CCDC150: variants seen among roughly 807,000 people sequenced by gnomAD.
CCDC150 encodes coiled-coil domain containing 150.
In CCDC150, 151 loss-of-function variants were observed where a neutral mutation model predicts 156.5. That is an observed-to-expected ratio of 0.97 (90% CI 0.85 to 1.10). The LOEUF (loss-of-function observed/expected upper bound fraction) is 1.10, where lower values mean the gene tolerates loss of function less well. CCDC150 is among the 50% of genes least tolerant of loss of function. The pLI is 0.00. For synonymous variants in CCDC150, 452 were observed against 429.4 expected (o/e 1.05, Z -0.65); for missense variants, 1,312 against 1,268.1 (o/e 1.03, Z -0.53).
At chr2:196,665,268 C>T (rs1393171529) in intron 5 of CCDC150, among the ~76,000 whole-genome samples, 1 of 152,134 alleles carries the variant, frequency 6.6e-6, no homozygotes, top group East Asian at 1.9e-4. Flanking sequence ...TTTCTTTCTA[C>T]TCTTTTATTT....
chr2:196,719,904 C>T (rs1485418479), intron 19 of CCDC150: 3 of 341,110 alleles, frequency 8.8e-6, no homozygotes, highest in Admixed American at 8.9e-5. Context: ...GACTATATAT[C>T]CTAGAAATTC....
rs1695717804 is a variant in CCDC150, at chr2:196,694,830, C to T, written c.1510-216C>T. 2.6e-5 allele frequency among the ~76,000 whole-genome samples: 4 copies of T among 152,188 alleles called. No homozygotes were observed. The South Asian group carries it at 6.2e-4, about 24-fold the overall frequency. ...TGAGCCAAGATCACACAACTGCACT[C>T]CAGCCTGGGTGACAGAGTGAGACTA... On this transcript the variant is annotated intron_variant, in intron 13 of 27. Transcript: ENST00000389175.
At chr2:196,730,709 C>T in intron 25 of CCDC150, 150 bp from the exon 26 acceptor site, 1 of 615,794 alleles carries the variant, frequency 1.6e-6, no homozygotes, top group East Asian at 2.8e-5. Flanking sequence ...CTGAAAATAA[C>T]AGTTTTTATC....
At chr2:196,710,958 T>C (rs960261554) in intron 15 of CCDC150, among the ~76,000 whole-genome samples, 3 of 152,090 alleles carry the variant, frequency 2.0e-5, no homozygotes, top group African/African-American at 7.2e-5. Flanking sequence ...TTTAAACATA[T>C]GTCAGTTTGA....
chr2:196,690,447 A>G (rs1024640014), intron 13 of CCDC150, among the ~76,000 whole-genome samples: 26 of 152,154 alleles, frequency 1.7e-4, no homozygotes, highest in Non-Finnish European at 2.1e-4. Context: ...TTAATATGTA[A>G]ATTCATATAT....
At chr2:196,711,497 T>C (rs554515205) in intron 15 of CCDC150, among the ~76,000 whole-genome samples, 87 of 152,272 alleles carry the variant, frequency 5.7e-4, no homozygotes, top group African/African-American at 2.0e-3. Context: ...GGTTTGGGGA[T>C]AAGAGGAAGC....
chr2:196,698,856 A>G (rs192354483), intron 14 of CCDC150, among the ~76,000 whole-genome samples: 148 of 152,262 alleles, frequency 9.7e-4, no homozygotes, highest in Non-Finnish European at 1.7e-3. Context: ...CCACCCGGCA[A>G]CAGGCCCCAG....
In CCDC150 at chr2:196,656,758, T is replaced by G. The variant is rs374773530; in HGVS notation, c.302T>G (p.Val101Gly). Reference protein sequence around the residue: ...DILWKNCEFLVNRMCRLESLM... With the variant: ...DILWKNCEFLGNRMCRLESLM... ...TTATGGAAGAACTGTGAGTTTCTGG[T>G]AAATCGAATGTGCCGTCTTGAAAGC... Residue 101 changes from valine to glycine, a missense_variant, in exon 3 of 28, where the codon GTA (valine) becomes GGA (glycine). By Grantham distance (109) the Val-to-Gly change is moderately radical. Transcript: ENST00000389175. 1 of 1,613,774 alleles carries G rather than the reference T, an allele frequency of 6.2e-7. No individual in the cohort carries two copies. Among genetic ancestry groups the G allele is most frequent in the African/African-American group, 1.3e-5 (1 of 74,928 alleles).
At chr2:196,697,890 A>G (rs1559252652) in intron 14 of CCDC150, among the ~76,000 whole-genome samples, 1 of 152,178 alleles carries the variant, frequency 6.6e-6, no homozygotes, top group Non-Finnish European at 1.5e-5. Flanking sequence ...ATCTTAAGAT[A>G]ATTCTTCCTA....
chr2:196,713,982 C>A (rs147059306), intron 17 of CCDC150, among the ~76,000 whole-genome samples: 121 of 152,200 alleles, frequency 8.0e-4, no homozygotes, highest in African/African-American at 2.8e-3. Context: ...GATAAAGCCT[C>A]ATTTTCAAAT....
intron 5 of CCDC150, among the ~76,000 whole-genome samples, chr2:196,660,919 T>C (rs1693522270): frequency 6.6e-6 from 1 of 152,200 alleles, no homozygotes; most frequent in African/African-American, 2.4e-5. Flanking sequence ...AGAGATTTTA[T>C]AGGTTTTCAT....
Position 196,729,715 on chromosome 2 carries a change from C to T in CCDC150, c.2752-78C>T, listed in dbSNP as rs1698422231. 5.2e-6 allele frequency: 5 copies of T among 960,088 alleles called. No individual in the cohort carries two copies. The East Asian group carries it at 1.3e-4, about 25-fold the overall frequency. The allele number at this position is 960,088 out of a possible 1,614,324, so 59.5% of individuals were successfully genotyped here. ...CTTTGGGTCTCATATTGGATTCTTT[C>T]TGTCATCCTATAGGCAAAAAGAGCA... On this transcript the variant is annotated intron_variant, in intron 23 of 27. Coordinates refer to ENST00000389175, the MANE Select transcript of CCDC150 (RefSeq NM_001080539.2).
intron 14 of CCDC150, among the ~76,000 whole-genome samples, chr2:196,700,696 G>A (rs1458986455): frequency 6.6e-6 from 1 of 152,052 alleles, no homozygotes; most frequent in Non-Finnish European, 1.5e-5. Context: ...TTTTACCATG[G>A]TAAGTGAGGT....
chr2:196,709,432 C>T (rs1696919805), intron 15 of CCDC150, among the ~76,000 whole-genome samples: 1 of 152,064 alleles, frequency 6.6e-6, no homozygotes, highest in Admixed American at 6.6e-5. Flanking sequence ...TTTTAGCTTC[C>T]TTGCAATGGG....
At chr2:196,660,922 G>T (rs1206826710) in intron 5 of CCDC150, among the ~76,000 whole-genome samples, 2 of 152,026 alleles carry the variant, frequency 1.3e-5, no homozygotes, top group Admixed American at 6.6e-5. Flanking sequence ...GATTTTATAG[G>T]TTTTCATTTT....
At chr2:196,695,478 A>G (rs1439468443) in intron 14 of CCDC150, among the ~76,000 whole-genome samples, 2 of 152,298 alleles carry the variant, frequency 1.3e-5, no homozygotes, top group African/African-American at 4.8e-5. Flanking sequence ...TTAGGCAATC[A>G]GTAATAAGTC....
Position 196,719,629 on chromosome 2 carries a change from C to T in CCDC150, c.2128C>T (p.Arg710Trp), listed in dbSNP as rs1432123148. ...ALEKVQIELG[R>W]RDSEIAGLKK... ...GGAGAAAGTACAAATAGAGCTTGGG[C>T]GGAGGGATTCAGAGATTGCAGGCCT... Residue 710 changes from arginine to tryptophan, a missense_variant, in exon 19 of 28, where the codon CGG (arginine) becomes TGG (tryptophan). By Grantham distance (101) the Arg-to-Trp change is moderately radical. Coordinates refer to ENST00000389175, the MANE Select transcript of CCDC150 (RefSeq NM_001080539.2). 8.7e-6 allele frequency: 14 copies of T among 1,611,760 alleles called. No homozygotes were observed. Among genetic ancestry groups the T allele is most frequent in the East Asian group, 2.2e-5 (1 of 44,736 alleles).
intron 17 of CCDC150, among the ~76,000 whole-genome samples, chr2:196,717,708 A>G (rs1202079277): frequency 6.6e-6 from 1 of 152,148 alleles, no homozygotes; most frequent in African/African-American, 2.4e-5. Context: ...CCTGACAAAC[A>G]TGGTGAAACC....
intron 8 of CCDC150, 113 bp from the exon 9 acceptor site, chr2:196,672,232 G>A (rs1170181684): frequency 1.5e-5 from 7 of 463,420 alleles, no homozygotes; most frequent in Non-Finnish European, 1.9e-5. Flanking sequence ...AAGTTCCAGT[G>A]TATGTCATTG....
Sources: allele counts gnomAD v4.1 joint callset (sites outside exome capture counted in the v4.1 genomes callset), GRCh38; gene constraint gnomAD v4.1.1; transcripts MANE v1.5; gene names NCBI Gene and HGNC (gene_info 2026-07-23, HGNC 2026-07-21).